REXO4: variants seen among roughly 807,000 people sequenced by gnomAD.
The protein encoded by REXO4 is REX4 homolog, 3'-5' exonuclease.
In REXO4, 29 loss-of-function variants were observed where a neutral mutation model predicts 39.9. That is an observed-to-expected ratio of 0.73 (90% CI 0.54 to 0.99). The LOEUF (loss-of-function observed/expected upper bound fraction) is 0.99, where lower values mean the gene tolerates loss of function less well. Ranked by LOEUF, REXO4 falls within the 50% of genes least tolerant of loss-of-function variation. The pLI is 0.00. For synonymous variants in REXO4, 184 were observed against 206.2 expected, an observed-to-expected ratio of 0.89 and a Z score of 0.92; for missense variants, 524 against 546.5, an observed-to-expected ratio of 0.96 and a Z score of 0.41.
chr9:133,416,599 A>T (rs1554781621), intron 1 of REXO4, among the ~76,000 whole-genome samples: 2 of 152,136 alleles, frequency 1.3e-5, no homozygotes, highest in African/African-American at 2.4e-5. Context: ...GGATGTGGTA[A>T]GAATGTATGA....
rs150153251 is a variant in REXO4 at position 133,411,095 on chromosome 9, G to T, written c.911-22C>A. The T allele has an allele frequency of 6.5e-4, 1,037 of 1,602,986 alleles. 4 individuals carry two copies. The African/African-American group carries it at 0.011, about 17-fold the overall frequency. Reference sequence around the variant, plus strand: ...TCTCCTGGAAAATCAACACAAAGAAGCGGTTTTTTGCAACACACACATCAC... The same window carrying T: ...TCTCCTGGAAAATCAACACAAAGAATCGGTTTTTTGCAACACACACATCAC... On this transcript the variant is annotated intron_variant, in intron 4 of 7. Transcript: ENST00000371942.
chr9:133,412,538 C>T (rs1424908227), intron 3 of REXO4, 46 bp from the exon 4 acceptor site: 2 of 1,598,338 alleles, frequency 1.3e-6, no homozygotes, highest in Non-Finnish European at 1.7e-6. Flanking sequence ...CGGCAGGCCA[C>T]AGGGCTCCAG....
intron 5 of REXO4, 143 bp from the exon 6 acceptor site, chr9:133,408,985 T>TGTGTGTGA (rs1347123389): frequency 2.4e-5 from 11 of 459,622 alleles, no homozygotes; most frequent in Admixed American, 3.9e-5. Context: ...TGTGTGTGTG[T>TGTGTGTGA]GACGGAGTCT....
At chr9:133,412,268 C>T (rs1839251531) in intron 4 of REXO4, 31 bp downstream of exon 4, 2 of 1,605,510 alleles carry the variant, frequency 1.2e-6, no homozygotes, top group Admixed American at 1.7e-5. Context: ...ACTACTTTCC[C>T]TTCTAAGTTC....
chr9:133,409,587 G>A (rs890615470), intron 5 of REXO4, among the ~76,000 whole-genome samples: 1 of 152,036 alleles, frequency 6.6e-6, no homozygotes, highest in African/African-American at 2.4e-5. Flanking sequence ...TTTTTGATAG[G>A]ATCTCACTCT....
Position 133,406,872 on chromosome 9 carries a change from A to T in REXO4, c.*81T>A. 2 of 1,587,622 alleles carry T rather than the reference A, an allele frequency of 1.3e-6. No homozygotes were observed. Among genetic ancestry groups the T allele is most frequent in the Non-Finnish European group, 1.7e-6 (2 of 1,170,630 alleles). ...CTGAAAAGGTTTCACCAGAGTTGCCACTCTGGGGAGATGTGATCTGTCCCT... is the reference window on the plus strand; with the variant it reads ...CTGAAAAGGTTTCACCAGAGTTGCCTCTCTGGGGAGATGTGATCTGTCCCT... On this transcript the variant is annotated 3_prime_UTR_variant, in exon 8 of 8. Transcript: ENST00000371942.
intron 5 of REXO4, among the ~76,000 whole-genome samples, chr9:133,409,496 C>G (rs926999713): frequency 2.0e-5 from 3 of 152,180 alleles, no homozygotes; most frequent in Non-Finnish European, 2.9e-5. Context: ...TGAGTTGGTT[C>G]TACACATCAG....
chr9:133,406,915 C>A lies in REXO4; in HGVS notation c.*38G>T. On this transcript the variant is annotated 3_prime_UTR_variant, in exon 8 of 8. Transcript: ENST00000371942. ...CTGTCCCTGTGACTGGTCACATTGC[C>A]TCTGTAGCGGGGCGGCAGCAGCAGC... is the stretch of plus-strand genomic sequence containing the variant. 6.2e-7 allele frequency: 1 copy of A among 1,605,710 alleles called. No individual in the cohort carries two copies. The highest frequency in any genetic ancestry group is 1.1e-5 in the South Asian group (1 of 91,048).
At chr9:133,416,525 C>T (rs1388539785) in intron 1 of REXO4, among the ~76,000 whole-genome samples, 2 of 152,118 alleles carry the variant, frequency 1.3e-5, no homozygotes, top group Non-Finnish European at 2.9e-5. Context: ...GCAGGAGAAT[C>T]ACTGGAGCCC....
In REXO4 at chr9:133,406,653, G is replaced by C; in HGVS notation, c.*300C>G. The C allele has an allele frequency of 2.3e-6, 1 of 429,676 alleles. No homozygotes were observed. 26.6% of individuals were successfully genotyped at this position (429,676 alleles called of 1,614,324 possible). On this transcript the variant is annotated 3_prime_UTR_variant, in exon 8 of 8. Transcript: ENST00000371942. ...CACCGTATGGACTGGCGGCCCACAG[G>C]CCCCAACCTCACCTGGCCCAGGGGG...
chr9:133,410,070 C>T (rs1314188893), intron 5 of REXO4, among the ~76,000 whole-genome samples: 1 of 152,202 alleles, frequency 6.6e-6, no homozygotes, highest in African/African-American at 2.4e-5. Context: ...ACACCTCCAG[C>T]ATCTTCAATG....
chr9:133,411,345 G>A (rs1011278924), intron 4 of REXO4, among the ~76,000 whole-genome samples: 1 of 152,250 alleles, frequency 6.6e-6, no homozygotes, highest in African/African-American at 2.4e-5. Context: ...ATGGCTGGAG[G>A]AGAGCATATG....
intron 5 of REXO4, among the ~76,000 whole-genome samples, chr9:133,409,773 G>T (rs781786688): frequency 1.3e-5 from 2 of 152,126 alleles, no homozygotes; most frequent in Non-Finnish European, 2.9e-5. Context: ...ATGTTACTCA[G>T]GCTGGTCTCT....
intron 2 of REXO4, among the ~76,000 whole-genome samples, chr9:133,414,175 T>C (rs1330713328): frequency 6.6e-6 from 1 of 152,154 alleles, no homozygotes; most frequent in Non-Finnish European, 1.5e-5. Context: ...GATCAAGTGA[T>C]CCTCCCACCT....
chr9:133,417,268 C>T (rs1186182675), intron 1 of REXO4, among the ~76,000 whole-genome samples: 2 of 152,236 alleles, frequency 1.3e-5, no homozygotes, highest in African/African-American at 2.4e-5. Flanking sequence ...CTGCCCGCCT[C>T]GGCCTCCCAA....
Position 133,408,841 on chromosome 9 carries a change from A to G in REXO4, c.1001T>C (p.Val334Ala), listed in dbSNP as rs1839053722. The change falls in exon 6 of 8, where the codon GTA (valine) becomes GCA (alanine). Residue 334 changes from valine (V) to alanine (A), a missense_variant and splice_region_variant. Physicochemically the swap from Val to Ala is moderately conservative, Grantham distance 64 (BLOSUM62 0). Transcript: ENST00000371942. ...VGHALHNDLK[V>A]LFLDHPKKKI... Reference sequence around the variant, plus strand: ...CTTTTTTGGATGATCAAGAAATAGTACCTAGAAAAATAAAATATAATGATA... The same window carrying G: ...CTTTTTTGGATGATCAAGAAATAGTGCCTAGAAAAATAAAATATAATGATA... 1.3e-6 allele frequency: 2 copies of G among 1,565,992 alleles called. No homozygotes were observed. The highest frequency in any genetic ancestry group is 8.8e-7 in the Non-Finnish European group (1 of 1,140,456).
chr9:133,414,123 GC>G (rs2130730590), intron 2 of REXO4, among the ~76,000 whole-genome samples: 1 of 152,290 alleles, frequency 6.6e-6, no homozygotes, highest in Admixed American at 6.5e-5. Flanking sequence ...CAGGCTGGAG[GC>G]AGTAGTGCAA....
intron 6 of REXO4, 118 bp from the exon 7 acceptor site, chr9:133,407,999 C>T (rs1554779333): frequency 4.2e-6 from 3 of 720,352 alleles, no homozygotes; most frequent in African/African-American, 1.8e-5. Context: ...CAGTTTGCCT[C>T]TCAGTGGAGA....
chr9:133,406,784 C>T lies in REXO4; in HGVS notation c.*169G>A, dbSNP rs1838898477. 9.9e-7 allele frequency: 1 copy of T among 1,008,130 alleles called. No homozygotes were observed. The highest frequency in any genetic ancestry group is 1.4e-6 in the Non-Finnish European group (1 of 693,574). The allele number at this position is 1,008,130 out of a possible 1,614,324, so 62.4% of individuals were successfully genotyped here. On this transcript the variant is annotated 3_prime_UTR_variant, in exon 8 of 8. Transcript: ENST00000371942. The stretch of plus-strand genomic sequence containing the variant: ...TGGACAGTAAGACCAGGTTTCAGAC[C>T]ACAAAGTCAAGAGGAAGGAGGACCT...
Sources: gnomAD v4.1 joint callset for allele counts (sites outside exome capture counted in the v4.1 genomes callset) on GRCh38, gnomAD v4.1.1 for gene constraint, MANE v1.5 for transcripts, NCBI Gene and HGNC (gene_info 2026-07-23, HGNC 2026-07-21) for gene names.